ADCK1: variants seen among roughly 807,000 people sequenced by gnomAD.
ADCK1 encodes the protein aarF domain-containing protein kinase 1.
A neutral mutation model predicts 52.3 loss-of-function variants in ADCK1; 41 were observed. The ratio of observed to expected loss-of-function variants is 0.78; its 90% CI spans 0.61 to 1.02. ADCK1 has a LOEUF of 1.02. Ranked by LOEUF, ADCK1 falls within the 50% of genes least tolerant of loss-of-function variation. ADCK1 has a pLI of 0.00. For missense variants in ADCK1, 658 were observed against 679.5 expected, an observed-to-expected ratio of 0.97 and a Z score of 0.35; for synonymous variants, 250 against 274.6, an observed-to-expected ratio of 0.91 and a Z score of 0.89.
intron 7 of ADCK1, among the ~76,000 whole-genome samples, chr14:77,911,582 T>C (rs1355799825): frequency 6.6e-6 from 1 of 152,184 alleles, no homozygotes; most frequent in Non-Finnish European, 1.5e-5. Context: ...TCTAAGTAAG[T>C]GATTTTGTGA....
chr14:77,833,632 A>G (rs1310819716), intron 3 of ADCK1, among the ~76,000 whole-genome samples: 1 of 152,040 alleles, frequency 6.6e-6, no homozygotes, highest in African/African-American at 2.4e-5. Flanking sequence ...TGACCTCAAA[A>G]CCGTTCTGAT....
intron 3 of ADCK1, among the ~76,000 whole-genome samples, chr14:77,826,588 G>T (rs1251880810): frequency 6.6e-6 from 1 of 152,204 alleles, no homozygotes; most frequent in Non-Finnish European, 1.5e-5. Flanking sequence ...AAACTGAGAT[G>T]TGTGTGAGCT....
At chr14:77,882,926 C>G (rs999450328) in intron 4 of ADCK1, among the ~76,000 whole-genome samples, 4 of 151,716 alleles carry the variant, frequency 2.6e-5, no homozygotes, top group African/African-American at 9.7e-5. Flanking sequence ...TTGTCAAGCC[C>G]CTAGGGGATG....
rs527279281 is a variant in ADCK1 at position 77,880,145 on chromosome 14, C to G, written c.424-6946C>G. On this transcript the variant is annotated intron_variant, in intron 4 of 10. Coordinates refer to ENST00000238561, the MANE Select transcript of ADCK1 (RefSeq NM_020421.4). ...ACAGCCATCCTGGAGTATGGGTGCC[C>G]CTGGCTTCTTTTCTTCCCTACCTGT... Among the ~76,000 whole-genome samples, 3 of 152,218 alleles carry G rather than the reference C, an allele frequency of 2.0e-5. No individual in the cohort carries two copies. The East Asian group carries it at 5.8e-4, about 29-fold the overall frequency.
At chr14:77,819,890 C>G (rs2081544057) in intron 2 of ADCK1, among the ~76,000 whole-genome samples, 1 of 152,224 alleles carries the variant, frequency 6.6e-6, no homozygotes, top group African/African-American at 2.4e-5. Context: ...CTCACCATCT[C>G]CCTAATACTC....
rs184283222 is a variant in ADCK1 at position 77,844,518 on chromosome 14, C to T, written c.220-14558C>T. ...AGTGGCGTTGGTCTTAGCTCTCCCC[C>T]CTGTTGGACTCCCTTAGAGAGGCAG... On this transcript the variant is annotated intron_variant, in intron 3 of 10. Coordinates refer to ENST00000238561, the MANE Select transcript of ADCK1 (RefSeq NM_020421.4). Among the ~76,000 whole-genome samples, 10 of 152,156 alleles carry T rather than the reference C, an allele frequency of 6.6e-5. No individual in the cohort carries two copies. The East Asian group carries it at 9.6e-4, about 15-fold the overall frequency.
chr14:77,893,042 C>T (rs1024541824), intron 5 of ADCK1, among the ~76,000 whole-genome samples: 2 of 152,110 alleles, frequency 1.3e-5, no homozygotes, highest in African/African-American at 2.4e-5. Context: ...CTGATGGTGT[C>T]GATGACTTTG....
chr14:77,898,845 G>A (rs755693577), intron 5 of ADCK1, among the ~76,000 whole-genome samples: 1 of 152,226 alleles, frequency 6.6e-6, no homozygotes, highest in Non-Finnish European at 1.5e-5. Flanking sequence ...TGCTGGGCAC[G>A]AGGGGAACCC....
At chr14:77,873,782 C>T (rs1269680975) in intron 4 of ADCK1, among the ~76,000 whole-genome samples, 1 of 152,230 alleles carries the variant, frequency 6.6e-6, no homozygotes, top group African/African-American at 2.4e-5. Context: ...TCCCCTTCTG[C>T]CACAATTGTT....
In ADCK1 at chr14:77,934,717, T is replaced by C. The variant is rs533364582; in HGVS notation, c.*1326T>C. On this transcript the variant is annotated 3_prime_UTR_variant, in exon 11 of 11. Coordinates refer to ENST00000238561, the MANE Select transcript of ADCK1 (RefSeq NM_020421.4). ...CACGGACAGTAATTGTATTTGAGCC[T>C]CTCTGATCTTACTTCACCCAATTCA... The C allele has an allele frequency of 9.2e-5, 14 of 152,356 alleles. No individual in the cohort carries two copies. The highest frequency in any genetic ancestry group is 2.9e-4 in the African/African-American group (12 of 41,572). 9.4% of individuals were successfully genotyped at this position (152,356 alleles called of 1,614,324 possible).
At chr14:77,802,796 A>T (rs1476800475) in intron 1 of ADCK1, among the ~76,000 whole-genome samples, 1 of 152,126 alleles carries the variant, frequency 6.6e-6, no homozygotes, top group African/African-American at 2.4e-5. Flanking sequence ...TAAAAAAAAT[A>T]CAAAAAAATT....
intron 3 of ADCK1, among the ~76,000 whole-genome samples, chr14:77,842,454 TCCTTCCTTCCTTCCTTCC>T (rs1566657404): frequency 9.6e-5 from 4 of 41,786 alleles, no homozygotes; most frequent in Admixed American, 3.7e-4. Flanking sequence ...TTTTTTTCCT[TCCTTCCTTCCTTCCTTCC>T]TTCCTTCCTT....
intron 3 of ADCK1, among the ~76,000 whole-genome samples, chr14:77,857,390 T>G (rs1052716429): frequency 2.0e-5 from 3 of 152,188 alleles, no homozygotes; most frequent in Admixed American, 2.0e-4. Context: ...AGTCAGGGTA[T>G]TTAGGGTAGC....
At chr14:77,869,523 T>C (rs1029248928) in intron 4 of ADCK1, among the ~76,000 whole-genome samples, 1 of 152,194 alleles carries the variant, frequency 6.6e-6, no homozygotes, top group African/African-American at 2.4e-5. Flanking sequence ...TTAATATATC[T>C]GCAATGACCT....
intron 3 of ADCK1, among the ~76,000 whole-genome samples, chr14:77,846,206 TG>T (rs1339381626): frequency 6.6e-6 from 1 of 152,204 alleles, no homozygotes; most frequent in Admixed American, 6.5e-5. Context: ...CCACCTACCC[TG>T]AACCTCGTTC....
At chr14:77,850,769 G>A (rs138886535) in intron 3 of ADCK1, among the ~76,000 whole-genome samples, 8,272 of 150,196 alleles carry the variant, frequency 0.055, 251 homozygotes, top group African/African-American at 0.075. Context: ...TCCTGCCTCA[G>A]CTTCCCGAGT....
intron 3 of ADCK1, 47 bp from the exon 4 acceptor site, chr14:77,859,029 A>C: frequency 6.6e-7 from 1 of 1,513,994 alleles, no homozygotes. Context: ...AGGTGTAGGG[A>C]ACAGTCTGCA....
chr14:77,838,289 A>T (rs949856049), intron 3 of ADCK1, among the ~76,000 whole-genome samples: 1 of 152,240 alleles, frequency 6.6e-6, no homozygotes, highest in South Asian at 2.1e-4. Context: ...CTGTTGACTG[A>T]TAACAGCAAG....
intron 3 of ADCK1, among the ~76,000 whole-genome samples, chr14:77,828,140 T>G (rs4903653): frequency 0.6 from 91,717 of 152,036 alleles, 28,719 homozygotes; most frequent in Middle Eastern, 0.7. Flanking sequence ...ATTTTTGTGT[T>G]TTTAGTAGAG....
Sources: gnomAD v4.1 joint callset for allele counts (sites outside exome capture counted in the v4.1 genomes callset) on GRCh38, gnomAD v4.1.1 for gene constraint, MANE v1.5 for transcripts, NCBI Gene and HGNC (gene_info 2026-07-23, HGNC 2026-07-21) for gene names.